Variants in TBCA observed in about 807,000 individuals in gnomAD.
TBCA encodes tubulin-specific chaperone A.
A neutral mutation model predicts 15.8 loss-of-function variants in TBCA; 6 were observed. The observed-to-expected ratio is 0.38, with a 90% CI of 0.21 to 0.75. The LOEUF (loss-of-function observed/expected upper bound fraction) is 0.75. TBCA is among the 30% of genes least tolerant of loss of function. The probability of loss-of-function intolerance (pLI) is 0.46; values close to 1 mark genes in which losing one functional copy is unlikely to be tolerated. For synonymous variants in TBCA, 32 were observed against 42.3 expected (o/e 0.76, Z 0.94); for missense variants, 90 against 131.2 (o/e 0.69, Z 1.53).
intron 1 of TBCA, among the ~76,000 whole-genome samples, chr5:77,751,413 A>C (rs1201077904): frequency 6.6e-6 from 1 of 151,906 alleles, no homozygotes; most frequent in African/African-American, 2.4e-5. Flanking sequence ...TCCTGACCTC[A>C]GGCGATCCAC....
chr5:77,746,946 A>G (rs1038257158), intron 1 of TBCA, among the ~76,000 whole-genome samples: 2 of 152,170 alleles, frequency 1.3e-5, no homozygotes, highest in Non-Finnish European at 2.9e-5. Context: ...TGAAATTACT[A>G]TAAAAACATA....
intron 3 of TBCA, chr5:77,692,995 G>A: frequency 7.2e-7 from 1 of 1,386,632 alleles, no homozygotes. Context: ...GACATTGCTG[G>A]ACAATACTGG....
At chr5:77,715,173 G>T (rs1746369714) in intron 1 of TBCA, 2 of 687,424 alleles carry the variant, frequency 2.9e-6, no homozygotes, top group Middle Eastern at 2.6e-4. Context: ...ATAGGCCAAG[G>T]GATCTATTTT....
chr5:77,699,097 T>TATG (rs1745945644), intron 2 of TBCA, among the ~76,000 whole-genome samples: 1 of 149,132 alleles, frequency 6.7e-6, no homozygotes, highest in Non-Finnish European at 1.5e-5. Context: ...GCAGGATCTG[T>TATG]ATGCTGAAAA....
chr5:77,705,689 A>G (rs942948146), intron 2 of TBCA: 1 of 396,846 alleles, frequency 2.5e-6, no homozygotes, highest in African/African-American at 2.1e-5. Context: ...TTGGCCAGGC[A>G]TGGTGGCACA....
chr5:77,771,329 C>T (rs1225631606), intron 1 of TBCA, among the ~76,000 whole-genome samples: 2 of 152,066 alleles, frequency 1.3e-5, no homozygotes, highest in African/African-American at 4.8e-5. Flanking sequence ...ATTTAAGGAG[C>T]CCTCAGAGTC....
intron 1 of TBCA, among the ~76,000 whole-genome samples, chr5:77,752,086 C>T (rs1400744514): frequency 5.9e-5 from 9 of 152,162 alleles, no homozygotes; most frequent in Non-Finnish European, 1.3e-4. Flanking sequence ...CCTGCATCAA[C>T]CCAAACAAGC....
chr5:77,706,771 AC>A (rs1746159129), intron 2 of TBCA, among the ~76,000 whole-genome samples: 2 of 147,422 alleles, frequency 1.4e-5, no homozygotes, highest in Admixed American at 1.4e-4. Flanking sequence ...AGATTGCACC[AC>A]TGCACTCCAG....
At chr5:77,748,485 CTT>C (rs35974461) in intron 1 of TBCA, among the ~76,000 whole-genome samples, 2 of 148,384 alleles carry the variant, frequency 1.3e-5, no homozygotes, top group African/African-American at 4.9e-5. Flanking sequence ...TTTAGTTTTG[CTT>C]TTTTTTTTTA....
intron 1 of TBCA, among the ~76,000 whole-genome samples, chr5:77,757,234 T>C (rs1747496821): frequency 6.6e-6 from 1 of 152,100 alleles, no homozygotes; most frequent in Non-Finnish European, 1.5e-5. Context: ...AGTGCTCTAA[T>C]GGTAAGCAGA....
At chr5:77,737,062 A>G (rs991554998) in intron 1 of TBCA, among the ~76,000 whole-genome samples, 5 of 152,236 alleles carry the variant, frequency 3.3e-5, no homozygotes, top group Non-Finnish European at 7.3e-5. Flanking sequence ...AAAGTTTTCT[A>G]AAGGACGATA....
chr5:77,707,670 T>C (rs141417916), intron 2 of TBCA, among the ~76,000 whole-genome samples: 5 of 152,184 alleles, frequency 3.3e-5, no homozygotes, highest in Admixed American at 1.3e-4. Context: ...CAATCACAAG[T>C]AGCCATTGAA....
At chr5:77,731,908 G>A (rs1357859213) in intron 1 of TBCA, among the ~76,000 whole-genome samples, 1 of 150,728 alleles carries the variant, frequency 6.6e-6, no homozygotes, top group African/African-American at 2.4e-5. Context: ...ATTTCTAGCA[G>A]AGTTTCACTG....
At chr5:77,750,350 T>C (rs1312911665) in intron 1 of TBCA, among the ~76,000 whole-genome samples, 1 of 152,038 alleles carries the variant, frequency 6.6e-6, no homozygotes, top group Non-Finnish European at 1.5e-5. Context: ...ACAAAGTAAA[T>C]TCATTCATTT....
chr5:77,751,306 C>T (rs1403157652), intron 1 of TBCA, among the ~76,000 whole-genome samples: 1 of 151,604 alleles, frequency 6.6e-6, no homozygotes, highest in East Asian at 1.9e-4. Flanking sequence ...GGATTATAGG[C>T]GCCCACCACC....
chr5:77,719,460 T>C (rs572688071), intron 1 of TBCA, among the ~76,000 whole-genome samples: 1 of 152,272 alleles, frequency 6.6e-6, no homozygotes, highest in Admixed American at 6.5e-5. Flanking sequence ...GGAAGCAACA[T>C]GTTCTCAATT....
chr5:77,725,148 GC>G (rs1194229244), intron 1 of TBCA, among the ~76,000 whole-genome samples: 6 of 152,066 alleles, frequency 3.9e-5, no homozygotes, highest in African/African-American at 9.7e-5. Flanking sequence ...CTAAACTACA[GC>G]CAGTTTTATT....
At chr5:77,734,569 T>G in intron 1 of TBCA, among the ~76,000 whole-genome samples, 1 of 152,180 alleles carries the variant, frequency 6.6e-6, no homozygotes, top group East Asian at 1.9e-4. Flanking sequence ...TACAGTCTCA[T>G]GATAAAATTT....
At chr5:77,756,372 C>A (rs759983519) in intron 1 of TBCA, among the ~76,000 whole-genome samples, 19 of 150,594 alleles carry the variant, frequency 1.3e-4, no homozygotes, top group Non-Finnish European at 2.7e-4. Flanking sequence ...AAGGGGTAAA[C>A]CCCCCAGACA....
Sources: allele counts gnomAD v4.1 joint callset (sites outside exome capture counted in the v4.1 genomes callset), GRCh38; gene constraint gnomAD v4.1.1; transcripts MANE v1.5; gene names NCBI Gene and HGNC (gene_info 2026-07-23, HGNC 2026-07-21).